The following FNDC3B variants were observed in gnomAD, a reference collection of about 807,000 sequenced individuals.
The protein encoded by FNDC3B is fibronectin type III domain-containing protein 3B.
A neutral mutation model predicts 151.5 loss-of-function variants in FNDC3B; 12 were observed. The observed-to-expected ratio is 0.08, with a 90% CI of 0.05 to 0.13. The LOEUF (loss-of-function observed/expected upper bound fraction) is 0.13. Ranked by LOEUF, FNDC3B falls within the 10% of genes least tolerant of loss-of-function variation. The pLI is 1.00. For missense variants in FNDC3B, 1,214 were observed against 1,505.3 expected (o/e 0.81, Z 3.20); for synonymous variants, 528 against 549.0 (o/e 0.96, Z 0.54).
chr3:172,382,272 T>G (rs2108375112), intron 25 of FNDC3B, among the ~76,000 whole-genome samples: 1 of 152,366 alleles, frequency 6.6e-6, no homozygotes, highest in Admixed American at 6.5e-5. Context: ...AATATCTTCT[T>G]TTGAGAAGTG....
chr3:172,201,336 G>GA (rs1553772423), intron 3 of FNDC3B, among the ~76,000 whole-genome samples: 1 of 152,006 alleles, frequency 6.6e-6, no homozygotes, highest in Admixed American at 6.6e-5. Context: ...TGTCTGTGAG[G>GA]TTTTTTTTCC....
chr3:172,172,337 G>A (rs1035667599), intron 3 of FNDC3B, among the ~76,000 whole-genome samples: 1 of 152,164 alleles, frequency 6.6e-6, no homozygotes, highest in Non-Finnish European at 1.5e-5. Context: ...AGAAAAAAGG[G>A]ATCAAGTAAG....
At chr3:172,087,824 C>T (rs1181519403) in intron 1 of FNDC3B, among the ~76,000 whole-genome samples, 1 of 152,154 alleles carries the variant, frequency 6.6e-6, no homozygotes, top group East Asian at 1.9e-4. Context: ...CATTTGTGAT[C>T]TTTCTGTAGC....
intron 6 of FNDC3B, among the ~76,000 whole-genome samples, chr3:172,257,057 C>T (rs938562926): frequency 9.2e-5 from 14 of 151,962 alleles, no homozygotes; most frequent in African/African-American, 3.1e-4. Flanking sequence ...ATTACAGGCA[C>T]CTGCCACCAT....
At chr3:172,205,962 A>G (rs1330038150) in intron 3 of FNDC3B, among the ~76,000 whole-genome samples, 1 of 152,208 alleles carries the variant, frequency 6.6e-6, no homozygotes. Context: ...ATTATGAGGT[A>G]TCTTAGTATA....
intron 4 of FNDC3B, among the ~76,000 whole-genome samples, chr3:172,229,695 C>T (rs1353671566): frequency 6.6e-6 from 1 of 152,116 alleles, no homozygotes; most frequent in Non-Finnish European, 1.5e-5. Flanking sequence ...AAAGTAGGTA[C>T]TTGCTAAATG....
At chr3:172,271,385 T>C (rs1431318167) in intron 6 of FNDC3B, among the ~76,000 whole-genome samples, 1 of 152,226 alleles carries the variant, frequency 6.6e-6, no homozygotes, top group Non-Finnish European at 1.5e-5. Context: ...TGGGAATTTT[T>C]TTAGATACCA....
rs111697002 is a variant in FNDC3B, at chr3:172,062,468, C to T, written c.-29+22697C>T. 6.9e-3 allele frequency among the ~76,000 whole-genome samples: 1,056 copies of T among 152,120 alleles called. 3 individuals are homozygous for T. Among genetic ancestry groups the T allele is most frequent in the Non-Finnish European group, 0.012 (821 of 67,980 alleles). Reference sequence around the variant, plus strand: ...CTGGGATGACAGATGTGTGCTACCACGCCTGGCTAATTTTTTGGATTTTTA... The same window carrying T: ...CTGGGATGACAGATGTGTGCTACCATGCCTGGCTAATTTTTTGGATTTTTA... On this transcript the variant is annotated intron_variant, in intron 1 of 25. Transcript: ENST00000415807.
Position 172,039,735 on chromosome 3 carries a change from G to T in FNDC3B, c.-65G>T, listed in dbSNP as rs1016857487. Reference sequence around the variant, plus strand: ...GGAAGGCGTGGGCGACCCGGTGTGTGGCGCGCCCAGAGCCCCGCGTTTCAG... The same window carrying T: ...GGAAGGCGTGGGCGACCCGGTGTGTTGCGCGCCCAGAGCCCCGCGTTTCAG... On this transcript the variant is annotated 5_prime_UTR_variant, in exon 1 of 26. Coordinates refer to ENST00000415807, the MANE Select transcript of FNDC3B (RefSeq NM_022763.4). 47 of 155,554 alleles carry T rather than the reference G, an allele frequency of 3.0e-4. No homozygotes were observed. The highest frequency in any genetic ancestry group is 4.7e-4 in the Non-Finnish European group (33 of 69,994). 9.6% of individuals were successfully genotyped at this position (155,554 alleles called of 1,614,324 possible).
chr3:172,364,804 C>T (rs905303205), intron 23 of FNDC3B, among the ~76,000 whole-genome samples: 1 of 152,208 alleles, frequency 6.6e-6, no homozygotes, highest in Non-Finnish European at 1.5e-5. Flanking sequence ...AAATAAATGA[C>T]TTGCCTAAAT....
At chr3:172,123,713 C>CA (rs1191196541) in intron 2 of FNDC3B, among the ~76,000 whole-genome samples, 1 of 152,032 alleles carries the variant, frequency 6.6e-6, no homozygotes, top group Non-Finnish European at 1.5e-5. Context: ...ATCACCTTGG[C>CA]AAAAAAGTCA....
chr3:172,174,922 T>TC (rs1560001415), intron 3 of FNDC3B, among the ~76,000 whole-genome samples: 2 of 40,198 alleles, frequency 5.0e-5, no homozygotes, highest in African/African-American at 7.9e-5. Flanking sequence ...TTTGGAGACC[T>TC]TCCCCCCGCC....
intron 25 of FNDC3B, among the ~76,000 whole-genome samples, chr3:172,388,406 CTT>C (rs796657277): frequency 2.6e-5 from 4 of 152,158 alleles, no homozygotes; most frequent in African/African-American, 9.6e-5. Flanking sequence ...CAGAAATAGT[CTT>C]TGTAAAAATA....
chr3:172,211,581 A>G (rs1725732813), intron 3 of FNDC3B, among the ~76,000 whole-genome samples: 1 of 152,252 alleles, frequency 6.6e-6, no homozygotes, highest in Non-Finnish European at 1.5e-5. Context: ...AAGAAAGCCC[A>G]GATGATTTTT....
At chr3:172,046,526 T>G (rs910840847) in intron 1 of FNDC3B, among the ~76,000 whole-genome samples, 16 of 152,134 alleles carry the variant, frequency 1.1e-4, no homozygotes, top group Admixed American at 2.6e-4. Context: ...TTTCACTTTG[T>G]GGCTCAGGCT....
rs1305029373 is a variant in FNDC3B at position 172,264,077 on chromosome 3, C to G, written c.790+12536C>G. ...TCACAGCTCACTGCAGCCTCAACCT[C>G]CTTGGCTCAAACAATCCTCCTGTCT... On this transcript the variant is annotated intron_variant, in intron 6 of 25. Transcript: ENST00000415807. Among the ~76,000 whole-genome samples, 6 of 152,276 alleles carry G rather than the reference C, an allele frequency of 3.9e-5. No homozygotes were observed. The East Asian group carries it at 1.2e-3, about 29-fold the overall frequency.
chr3:172,255,561 C>T (rs62281816), intron 6 of FNDC3B, among the ~76,000 whole-genome samples: 61,987 of 152,008 alleles, frequency 0.41, 12,941 homozygotes, highest in South Asian at 0.53. Flanking sequence ...TGAGCCACTG[C>T]GTCTGGCAAA....
chr3:172,220,188 TTTTA>T (rs1726210121), intron 3 of FNDC3B, among the ~76,000 whole-genome samples: 1 of 152,074 alleles, frequency 6.6e-6, no homozygotes, highest in South Asian at 2.1e-4. Flanking sequence ...TGTGTGTGTC[TTTTA>T]ATAGCCATCC....
chr3:172,363,146 A>C (rs1006867062), intron 23 of FNDC3B, among the ~76,000 whole-genome samples: 1 of 152,164 alleles, frequency 6.6e-6, no homozygotes, highest in African/African-American at 2.4e-5. Flanking sequence ...TCAAGTTCAC[A>C]CTATGTAATA....
Sources: gnomAD v4.1 joint callset for allele counts (sites outside exome capture counted in the v4.1 genomes callset) on GRCh38, gnomAD v4.1.1 for gene constraint, MANE v1.5 for transcripts, NCBI Gene and HGNC (gene_info 2026-07-23, HGNC 2026-07-21) for gene names.